The following DYNC2H1 variants were observed in gnomAD, a reference collection of about 807,000 sequenced individuals.
DYNC2H1 encodes cytoplasmic dynein 2 heavy chain 1.
A neutral mutation model predicts 570.0 loss-of-function variants in DYNC2H1; 410 were observed. That is an observed-to-expected ratio of 0.72 (90% CI 0.66 to 0.78). The LOEUF is 0.78. Among genes scored for constraint, DYNC2H1 ranks in the 30% least tolerant of loss-of-function variants. The pLI, the probability that DYNC2H1 is intolerant of heterozygous loss-of-function variation, is 0.00. For synonymous variants in DYNC2H1, 1,688 were observed against 1,677.6 expected (o/e 1.01, Z -0.15); for missense variants, 4,865 against 5,046.4 (o/e 0.96, Z 1.09).
chr11:103,296,276 T>A (rs1866821990), intron 75 of DYNC2H1, among the ~76,000 whole-genome samples: 1 of 152,212 alleles, frequency 6.6e-6, no homozygotes, highest in Admixed American at 6.5e-5. Context: ...TATTTGGCCA[T>A]CTTGCTCTGC....
intron 84 of DYNC2H1, among the ~76,000 whole-genome samples, chr11:103,408,575 T>C (rs766345620): frequency 7.9e-5 from 12 of 152,098 alleles, no homozygotes; most frequent in Non-Finnish European, 1.6e-4. Flanking sequence ...ATTAAATAGA[T>C]AGAAACCGAC....
At position 103,123,014 on chromosome 11, in the gene DYNC2H1, T is replaced by C; in HGVS notation, c.1661+14T>C. ...ATCTGGTTTGTGGTAAGTATAGATA[T>C]ATTAAACTGTAAAATCCAAAACCAT... On this transcript the variant is annotated intron_variant, in intron 11 of 88. Coordinates refer to ENST00000375735, the MANE Select transcript of DYNC2H1 (RefSeq NM_001377.3). 3 of 1,350,646 alleles carry C rather than the reference T, an allele frequency of 2.2e-6. No individual in the cohort carries two copies. The highest frequency in any genetic ancestry group is 2.9e-6 in the Non-Finnish European group (3 of 1,038,252). The allele number at this position is 1,350,646 out of a possible 1,614,324, so 83.7% of individuals were successfully genotyped here. A position where few individuals can be genotyped will look rare whatever the true frequency, so the allele number is the denominator to read the frequency against.
At chr11:103,332,541 T>C (rs1303533735) in intron 82 of DYNC2H1, among the ~76,000 whole-genome samples, 2 of 152,154 alleles carry the variant, frequency 1.3e-5, no homozygotes, top group Non-Finnish European at 2.9e-5. Flanking sequence ...AGAGAAAGTA[T>C]TGTGGGGGAA....
intron 83 of DYNC2H1, among the ~76,000 whole-genome samples, chr11:103,365,807 A>C (rs1430631629): frequency 6.6e-6 from 1 of 152,230 alleles, no homozygotes; most frequent in Non-Finnish European, 1.5e-5. Context: ...CTATGTTCAG[A>C]TTGGTTGAAA....
chr11:103,289,511 A>T lies in DYNC2H1; in HGVS notation c.11095+1906A>T, dbSNP rs1269471230. ...AGGTGGTTTCAGTACCTGTAATCCC[A>T]GCACATTTGGAGGCTGACGGGGGAG... On this transcript the variant is annotated intron_variant, in intron 75 of 88. Coordinates refer to ENST00000375735, the MANE Select transcript of DYNC2H1 (RefSeq NM_001377.3). The surrounding 1 kb of genome is among the most constrained non-coding windows in gnomAD (Gnocchi z 4.2). 6.6e-6 allele frequency among the ~76,000 whole-genome samples: 1 copy of T among 152,208 alleles called. No individual in the cohort carries two copies. The highest frequency in any genetic ancestry group is 2.4e-5 in the African/African-American group (1 of 41,446).
intron 9 of DYNC2H1, 85 bp downstream of exon 9, chr11:103,121,121 A>T (rs1228955755): frequency 1.0e-6 from 1 of 956,420 alleles, no homozygotes; most frequent in Non-Finnish European, 1.5e-6. Flanking sequence ...ATTTAGGATT[A>T]AAGATACATT....
At chr11:103,114,683 G>T (rs1395957986) in intron 3 of DYNC2H1, among the ~76,000 whole-genome samples, 1 of 152,102 alleles carries the variant, frequency 6.6e-6, no homozygotes, top group African/African-American at 2.4e-5. Context: ...TACAAGATTA[G>T]GTTCCTTTGA....
intron 1 of DYNC2H1, among the ~76,000 whole-genome samples, chr11:103,111,544 G>A (rs1045496052): frequency 2.0e-5 from 3 of 152,270 alleles, no homozygotes; most frequent in African/African-American, 7.2e-5. Flanking sequence ...GGCTTAGGAT[G>A]ACATATACTC....
chr11:103,260,781 G>A (rs575572010), intron 70 of DYNC2H1, among the ~76,000 whole-genome samples: 1 of 151,760 alleles, frequency 6.6e-6, no homozygotes, highest in Non-Finnish European at 1.5e-5. Flanking sequence ...CACCATGCCT[G>A]GGTAACTTTT....
Position 103,109,704 on chromosome 11 carries a change from G to C in DYNC2H1, c.130G>C (p.Asp44His). 6.2e-7 allele frequency: 1 copy of C among 1,613,854 alleles called. No homozygotes were observed. ...CTGTCTTGAAATCAACAACTTCTTG[G>C]ATGACGGCAACCAGATGCTCCTCAG... is the stretch of plus-strand genomic sequence containing the variant. ...CNCLEINNFL[D>H]DGNQMLLRVQ... The change falls in exon 1 of 89, where the codon GAT becomes CAT. Residue 44 changes from aspartate (D) to histidine (H), a missense_variant. Asp to His is a moderately conservative substitution (Grantham distance 81). Transcript: ENST00000375735.
chr11:103,282,949 A>AT (rs1866199820), intron 72 of DYNC2H1, 59 bp from the exon 73 acceptor site: 1 of 1,297,552 alleles, frequency 7.7e-7, no homozygotes. Flanking sequence ...ATCAATTGCT[A>AT]TTTTTTAAAC....
intron 83 of DYNC2H1, among the ~76,000 whole-genome samples, chr11:103,389,244 C>G (rs543107209): frequency 6.6e-6 from 1 of 152,110 alleles, no homozygotes; most frequent in African/African-American, 2.4e-5. Context: ...GTGTATGTGT[C>G]GAGGAATTTA....
intron 87 of DYNC2H1, among the ~76,000 whole-genome samples, chr11:103,456,616 C>T (rs1944798526): frequency 6.6e-6 from 1 of 152,122 alleles, no homozygotes; most frequent in South Asian, 2.1e-4. Context: ...TTTATACAAA[C>T]CATGCAGTTC....
At chr11:103,123,903 A>G (rs1858853247) in intron 11 of DYNC2H1, among the ~76,000 whole-genome samples, 1 of 151,946 alleles carries the variant, frequency 6.6e-6, no homozygotes, top group Non-Finnish European at 1.5e-5. Flanking sequence ...AAATGCTGGT[A>G]TATACAAACT....
intron 73 of DYNC2H1, among the ~76,000 whole-genome samples, chr11:103,284,137 C>T (rs11225652): frequency 0.65 from 98,105 of 151,906 alleles, 31,650 homozygotes; most frequent in East Asian, 0.7. Flanking sequence ...CTGATGACTT[C>T]GGCCTGTCTT....
rs1333432166 is a variant in DYNC2H1, at chr11:103,189,088, A to G, written c.7292+440A>G. Among the ~76,000 whole-genome samples the G allele has an allele frequency of 2.6e-5, 4 of 152,246 alleles. 1 individual carries two copies. The South Asian group carries it at 6.2e-4, about 24-fold the overall frequency. The stretch of plus-strand genomic sequence containing the variant: ...CTAATCATCTCCACGGGCCATAATT[A>G]CAGAGACTATGGCAATATCTCCTCT... On this transcript the variant is annotated intron_variant, in intron 44 of 88. Transcript: ENST00000375735. The surrounding 1 kb of genome is among the most constrained non-coding windows in gnomAD (Gnocchi z 4.3).
chr11:103,375,514 C>T (rs753368535), intron 83 of DYNC2H1, among the ~76,000 whole-genome samples: 3 of 152,194 alleles, frequency 2.0e-5, no homozygotes, highest in Non-Finnish European at 2.9e-5. Flanking sequence ...GAGAGGGGAG[C>T]TGTACCCTGC....
chr11:103,252,758 C>G lies in DYNC2H1; in HGVS notation c.10043-527C>G, dbSNP rs576180340. 1.8e-4 allele frequency among the ~76,000 whole-genome samples: 27 copies of G among 152,188 alleles called. No individual in the cohort carries two copies. Among genetic ancestry groups the G allele is most frequent in the African/African-American group, 6.5e-4 (27 of 41,542 alleles). ...TACATTTTGGATATTAACCCCTTATCTGATATATGGTTTATAAATAACTCC... is the reference window on the plus strand; with the variant it reads ...TACATTTTGGATATTAACCCCTTATGTGATATATGGTTTATAAATAACTCC... On this transcript the variant is annotated intron_variant, in intron 65 of 88. Transcript: ENST00000375735. The surrounding 1 kb of genome is among the most constrained non-coding windows in gnomAD (Gnocchi z 4.6).
intron 31 of DYNC2H1, 70 bp from the exon 32 acceptor site, chr11:103,168,685 C>A: frequency 6.8e-7 from 1 of 1,463,588 alleles, no homozygotes. Flanking sequence ...CACCTGTACA[C>A]GTAATCATAA....
Sources: allele counts gnomAD v4.1 joint callset (sites outside exome capture counted in the v4.1 genomes callset), GRCh38; gene constraint gnomAD v4.1.1; non-coding constraint Gnocchi (gnomAD v3.1); transcripts MANE v1.5; gene names NCBI Gene and HGNC (gene_info 2026-07-23, HGNC 2026-07-21).